The following RABGAP1 variants were observed in gnomAD, a reference collection of about 807,000 sequenced individuals.
RABGAP1 encodes RAB GTPase activating protein 1.
Under a neutral mutation model 137.6 loss-of-function variants are expected in RABGAP1, and 23 were observed. The ratio of observed to expected loss-of-function variants is 0.17; its 90% CI spans 0.12 to 0.24. RABGAP1 has a LOEUF of 0.24. RABGAP1 is among the 10% of genes least tolerant of loss of function. The probability of loss-of-function intolerance (pLI) is 1.00; values close to 1 mark genes in which losing one functional copy is unlikely to be tolerated. For missense variants in RABGAP1, 906 were observed against 1,275.8 expected (o/e 0.71, Z 4.42); for synonymous variants, 451 against 450.7 (o/e 1.00, Z -0.01).
At chr9:123,080,667 A>G (rs560780763) in intron 19 of RABGAP1, among the ~76,000 whole-genome samples, 1 of 152,294 alleles carries the variant, frequency 6.6e-6, no homozygotes, top group Non-Finnish European at 1.5e-5. Flanking sequence ...AGTACACATG[A>G]GGATCTGTGG....
rs1487526888 is a variant in RABGAP1, at chr9:123,103,614, T to C, written c.*401T>C. ...ATATATATATATATATATATATATA[T>C]ATATATATATATATATATATATAGT... On this transcript the variant is annotated 3_prime_UTR_variant, in exon 26 of 26. Transcript: ENST00000373647. The C allele has an allele frequency of 1.0e-5, 1 of 98,130 alleles. No individual in the cohort carries two copies. Among genetic ancestry groups the C allele is most frequent in the African/African-American group, 3.5e-5 (1 of 28,346 alleles). 6.1% of individuals were successfully genotyped at this position (98,130 alleles called of 1,614,324 possible). A position where few individuals can be genotyped will look rare whatever the true frequency, so the allele number is the denominator to read the frequency against.
At chr9:123,102,461 G>A (rs2035372475) in intron 25 of RABGAP1, among the ~76,000 whole-genome samples, 1 of 152,204 alleles carries the variant, frequency 6.6e-6, no homozygotes, top group Non-Finnish European at 1.5e-5. Flanking sequence ...CCTGTTATAG[G>A]TCTGGGACTG....
intron 13 of RABGAP1, among the ~76,000 whole-genome samples, chr9:123,027,551 G>T (rs1460944825): frequency 2.0e-5 from 3 of 152,198 alleles, no homozygotes; most frequent in Admixed American, 2.0e-4. Flanking sequence ...AACAACTTCT[G>T]TCTGGTAGGT....
Position 122,966,341 on chromosome 9 carries a change from A to T in RABGAP1, c.150+9132A>T, listed in dbSNP as rs745945047. Among the ~76,000 whole-genome samples the T allele has an allele frequency of 2.4e-4, 36 of 152,154 alleles. 1 individual carries two copies. Among genetic ancestry groups the T allele is most frequent in the Non-Finnish European group, 1.5e-4 (10 of 68,002 alleles). On this transcript the variant is annotated intron_variant, in intron 2 of 25. Coordinates refer to ENST00000373647, the MANE Select transcript of RABGAP1 (RefSeq NM_012197.4). ...GGAGTTTCAGACCAGCCTGGCCAAC[A>T]TGGTGACGCCCTATTTCTACCAAAA... is the stretch of plus-strand genomic sequence containing the variant.
intron 2 of RABGAP1, among the ~76,000 whole-genome samples, chr9:122,977,412 A>G (rs1402222851): frequency 6.6e-6 from 1 of 152,234 alleles, no homozygotes; most frequent in African/African-American, 2.4e-5. Context: ...TGATTAAAAA[A>G]GGATGCAGGA....
At chr9:123,090,175 T>C in intron 20 of RABGAP1, 100 bp from the exon 21 acceptor site, 3 of 866,766 alleles carry the variant, frequency 3.5e-6, no homozygotes, top group South Asian at 1.8e-5. Flanking sequence ...TCTTATTGTT[T>C]CCATAGGACT....
Position 123,101,572 on chromosome 9 carries a change from G to A in RABGAP1, c.2896G>A (p.Val966Met). 1 of 1,613,640 alleles carries A rather than the reference G, an allele frequency of 6.2e-7. No homozygotes were observed. The highest frequency in any genetic ancestry group is 8.5e-7 in the Non-Finnish European group (1 of 1,179,756). ...KVEIEKIRQK[V>M]DDCERCREFF... ...ATCTAACATTCAATTTCAGCAAAAA[G>A]TGGATGACTGTGAGCGGTGCCGGGA... The change falls in exon 25 of 26, where the codon GTG (valine) becomes ATG (methionine). Residue 966 changes from valine to methionine, a missense_variant. Transcript: ENST00000373647.
intron 1 of RABGAP1, among the ~76,000 whole-genome samples, chr9:122,947,874 A>G (rs542421113): frequency 1.3e-5 from 2 of 152,348 alleles, no homozygotes; most frequent in South Asian, 2.1e-4. Flanking sequence ...AATGAAAACA[A>G]AGACATCTAT....
At chr9:123,098,947 T>C (rs1381802179) in intron 23 of RABGAP1, 149 bp downstream of exon 23, 2 of 540,664 alleles carry the variant, frequency 3.7e-6, no homozygotes, top group African/African-American at 4.0e-5. Context: ...GTGGCTTCAC[T>C]TATTCTCAGT....
At chr9:122,949,798 C>T (rs532687301) in intron 1 of RABGAP1, among the ~76,000 whole-genome samples, 224 of 151,736 alleles carry the variant, frequency 1.5e-3, no homozygotes, top group Middle Eastern at 6.9e-3. Flanking sequence ...GCCTGAGGAG[C>T]CCTAGAAGAC....
At chr9:123,029,578 A>G (rs2032184976) in intron 13 of RABGAP1, 4 of 753,626 alleles carry the variant, frequency 5.3e-6, no homozygotes, top group South Asian at 2.7e-5. Context: ...GAACTTCCTT[A>G]CAGAGTTTGT....
intron 10 of RABGAP1, among the ~76,000 whole-genome samples, chr9:123,001,863 C>T (rs1755295027): frequency 6.6e-6 from 1 of 152,170 alleles, no homozygotes; most frequent in South Asian, 2.1e-4. Flanking sequence ...GATTATACAA[C>T]CTCTCTGGGA....
chr9:122,979,865 C>G (rs537782534), intron 2 of RABGAP1, among the ~76,000 whole-genome samples: 1 of 152,336 alleles, frequency 6.6e-6, no homozygotes, highest in Non-Finnish European at 1.5e-5. Flanking sequence ...TTACCTGAAA[C>G]TACATTTATT....
At chr9:123,051,786 T>TA (rs1408206509) in intron 13 of RABGAP1, among the ~76,000 whole-genome samples, 1 of 146,006 alleles carries the variant, frequency 6.8e-6, no homozygotes. Context: ...TTTATTTTAT[T>TA]TTATTTTATT....
At chr9:123,033,585 A>G (rs1208057096) in intron 13 of RABGAP1, 1 of 151,034 alleles carries the variant, frequency 6.6e-6, no homozygotes, top group Non-Finnish European at 1.5e-5. Context: ...CCTTTTCCCA[A>G]GCCCCCTCTT....
chr9:122,943,072 CTTTTTTTT>C (rs10582436), intron 1 of RABGAP1, among the ~76,000 whole-genome samples: 5 of 116,172 alleles, frequency 4.3e-5, no homozygotes, highest in African/African-American at 1.3e-4. Context: ...GGTGCACTTT[CTTTTTTTT>C]TTTTTTTTTT....
chr9:122,934,076 CTTTTCTTTTT>C, the RABGAP1 span, among the ~76,000 whole-genome samples: 1 of 148,684 alleles, frequency 6.7e-6, no homozygotes, highest in African/African-American at 2.5e-5. Flanking sequence ...CTTTTCTTTT[CTTTTCTTTTT>C]TTTTTTTTTG....
chr9:123,052,365 A>G (rs2033520081), intron 13 of RABGAP1, among the ~76,000 whole-genome samples: 1 of 152,146 alleles, frequency 6.6e-6, no homozygotes, highest in African/African-American at 2.4e-5. Flanking sequence ...TTAAATAATT[A>G]TTTTTAGGTC....
At position 123,032,893 on chromosome 9, in the gene RABGAP1, G is replaced by A. The variant is rs1022526122; in HGVS notation, c.1794+12434G>A. Among the ~76,000 whole-genome samples, 9 of 152,134 alleles carry A rather than the reference G, an allele frequency of 5.9e-5. 1 individual carries two copies. The highest frequency in any genetic ancestry group is 5.2e-4 in the Admixed American group (8 of 15,272). ...GCTTATTTGTACCATGAAACTTCCTGTAATATCCATGCCTGAGTAGAAGAA... is the reference window on the plus strand; with the variant it reads ...GCTTATTTGTACCATGAAACTTCCTATAATATCCATGCCTGAGTAGAAGAA... On this transcript the variant is annotated intron_variant, in intron 13 of 25. Transcript: ENST00000373647.
Sources: gnomAD v4.1 joint callset for allele counts (sites outside exome capture counted in the v4.1 genomes callset) on GRCh38, gnomAD v4.1.1 for gene constraint, MANE v1.5 for transcripts, NCBI Gene and HGNC (gene_info 2026-07-23, HGNC 2026-07-21) for gene names.